EPHA7: variants seen among roughly 807,000 people sequenced by gnomAD.
EPHA7 encodes ephrin type-A receptor 7.
Under a neutral mutation model 112.6 loss-of-function variants are expected in EPHA7, and 25 were observed. The ratio of observed to expected loss-of-function variants is 0.22; its 90% CI spans 0.16 to 0.31. The LOEUF (loss-of-function observed/expected upper bound fraction) is 0.31. EPHA7 is among the 10% of genes least tolerant of loss of function. The probability of loss-of-function intolerance (pLI) is 1.00; values close to 1 mark genes in which losing one functional copy is unlikely to be tolerated. For synonymous variants in EPHA7, 437 were observed against 406.5 expected (o/e 1.07, Z -0.90); for missense variants, 962 against 1,212.6 (o/e 0.79, Z 3.07).
intron 7 of EPHA7, among the ~76,000 whole-genome samples, chr6:93,265,565 T>G (rs75535439): frequency 0.035 from 5,282 of 151,788 alleles, 321 homozygotes; most frequent in African/African-American, 0.12. Context: ...ATATGATGAT[T>G]CACAATTGTC....
chr6:93,273,451 C>T (rs910717381), intron 5 of EPHA7, among the ~76,000 whole-genome samples: 1 of 151,990 alleles, frequency 6.6e-6, no homozygotes, highest in Non-Finnish European at 1.5e-5. Context: ...GCCGTTTAAG[C>T]AACCTTCCGA....
At chr6:93,384,300 A>C (rs1777491797) in intron 3 of EPHA7, among the ~76,000 whole-genome samples, 1 of 152,026 alleles carries the variant, frequency 6.6e-6, no homozygotes, top group Admixed American at 6.6e-5. Context: ...TCTTTGCCTA[A>C]AATTTTTCCA....
At chr6:93,388,030 T>A (rs1179878139) in intron 3 of EPHA7, among the ~76,000 whole-genome samples, 1 of 152,042 alleles carries the variant, frequency 6.6e-6, no homozygotes, top group Admixed American at 6.6e-5. Flanking sequence ...CAATTCATGA[T>A]CCAGGAGGAA....
At chr6:93,351,890 C>T (rs1166775094) in intron 5 of EPHA7, among the ~76,000 whole-genome samples, 1 of 152,050 alleles carries the variant, frequency 6.6e-6, no homozygotes, top group Non-Finnish European at 1.5e-5. Flanking sequence ...AAGCTATTTG[C>T]TCAATTTTTA....
In EPHA7 at chr6:93,328,686, A is replaced by C. The variant is rs1291685680; in HGVS notation, c.1324+28031T>G. On this transcript the variant is annotated intron_variant, in intron 5 of 16. Transcript: ENST00000369303. ...TGAGTCATGGCAATTTTAATGCATC[A>C]AAGGGGCACTATTCAATCTGGGTAA... Among the ~76,000 whole-genome samples, 18 of 151,366 alleles carry C rather than the reference A, an allele frequency of 1.2e-4. No individual in the cohort carries two copies. In the Admixed American group the frequency reaches 1.2e-3, roughly 10 times the overall value.
Position 93,356,826 on chromosome 6 carries a change from C to T in EPHA7, c.1215G>A (p.Leu405=). 1 of 1,614,164 alleles carries T rather than the reference C, an allele frequency of 6.2e-7. No homozygotes were observed. Among genetic ancestry groups the T allele is most frequent in the Non-Finnish European group, 8.5e-7 (1 of 1,180,026 alleles). ...LEDNYVTVMD[L]LAHANYTFEV... ...CAAAAGTATAATTAGCGTGGGCTAG[C>T]AGGTCCATGACAGTGACATAGTTAT... Residue 405 remains leucine, a synonymous_variant, in exon 5 of 17, where the codon CTG becomes CTA. Coordinates refer to ENST00000369303, the MANE Select transcript of EPHA7 (RefSeq NM_004440.4).
At chr6:93,368,060 T>A (rs1013441171) in intron 3 of EPHA7, among the ~76,000 whole-genome samples, 1 of 152,274 alleles carries the variant, frequency 6.6e-6, no homozygotes, top group Non-Finnish European at 1.5e-5. Flanking sequence ...GCAGGCAATG[T>A]ACCAAAAAGG....
chr6:93,314,505 T>A (rs1265361492), intron 5 of EPHA7, among the ~76,000 whole-genome samples: 1 of 152,134 alleles, frequency 6.6e-6, no homozygotes, highest in Non-Finnish European at 1.5e-5. Context: ...AATCCTTAAG[T>A]GAAGCATACA....
At chr6:93,348,596 T>C (rs1415536042) in intron 5 of EPHA7, among the ~76,000 whole-genome samples, 2 of 151,896 alleles carry the variant, frequency 1.3e-5, no homozygotes, top group Non-Finnish European at 2.9e-5. Context: ...TACCACATTA[T>C]GGCTGTAAAC....
At chr6:93,345,071 CTGTCTATACA>C (rs1272950213) in intron 5 of EPHA7, among the ~76,000 whole-genome samples, 1 of 151,588 alleles carries the variant, frequency 6.6e-6, no homozygotes, top group Non-Finnish European at 1.5e-5. Flanking sequence ...ATGTTTATTA[CTGTCTATACA>C]TGTCTATACA....
chr6:93,336,548 A>T (rs547076039), intron 5 of EPHA7, among the ~76,000 whole-genome samples: 3 of 152,152 alleles, frequency 2.0e-5, no homozygotes, highest in South Asian at 2.1e-4. Flanking sequence ...GACTACAGGC[A>T]CGTGCCACCA....
chr6:93,273,449 A>C (rs986174154), intron 5 of EPHA7, among the ~76,000 whole-genome samples: 1 of 151,980 alleles, frequency 6.6e-6, no homozygotes, highest in Admixed American at 6.6e-5. Context: ...AAGCCGTTTA[A>C]GCAACCTTCC....
At chr6:93,318,590 T>A (rs1267780914) in intron 5 of EPHA7, among the ~76,000 whole-genome samples, 1 of 152,138 alleles carries the variant, frequency 6.6e-6, no homozygotes, top group Non-Finnish European at 1.5e-5. Flanking sequence ...CAACTGCTTT[T>A]AATAAACAGT....
At chr6:93,299,553 A>G (rs1481611111) in intron 5 of EPHA7, among the ~76,000 whole-genome samples, 1 of 152,166 alleles carries the variant, frequency 6.6e-6, no homozygotes, top group African/African-American at 2.4e-5. Flanking sequence ...AATTAGTTCA[A>G]CCATTGTGGA....
At chr6:93,338,656 TTTTA>T (rs1350045993) in intron 5 of EPHA7, among the ~76,000 whole-genome samples, 3 of 152,008 alleles carry the variant, frequency 2.0e-5, no homozygotes, top group African/African-American at 7.2e-5. Context: ...TTTTTCATTC[TTTTA>T]TTTGTTTAAT....
At chr6:93,316,488 T>G (rs1405660379) in intron 5 of EPHA7, among the ~76,000 whole-genome samples, 3 of 152,114 alleles carry the variant, frequency 2.0e-5, no homozygotes, top group Non-Finnish European at 2.9e-5. Context: ...TGTATTATAT[T>G]ACATACTGCA....
At chr6:93,356,495 G>T (rs565235471) in intron 5 of EPHA7, among the ~76,000 whole-genome samples, 2 of 152,072 alleles carry the variant, frequency 1.3e-5, no homozygotes, top group Non-Finnish European at 2.9e-5. Context: ...GAGCCACCGC[G>T]CCTGGCCAAT....
At chr6:93,409,562 C>A (rs1371115742) in intron 3 of EPHA7, 1 of 151,840 alleles carries the variant, frequency 6.6e-6, no homozygotes, top group Non-Finnish European at 1.5e-5. Context: ...AAGTATAAAA[C>A]CTGTGCTTCT....
chr6:93,359,963 G>A (rs1492967), intron 3 of EPHA7, among the ~76,000 whole-genome samples: 29,000 of 151,706 alleles, frequency 0.19, 3,449 homozygotes, highest in Non-Finnish European at 0.27. Context: ...CCATCTCATT[G>A]TAAATTTATG....
Sources: gnomAD v4.1 joint callset for allele counts (sites outside exome capture counted in the v4.1 genomes callset) on GRCh38, gnomAD v4.1.1 for gene constraint, MANE v1.5 for transcripts, NCBI Gene and HGNC (gene_info 2026-07-23, HGNC 2026-07-21) for gene names.